C6orf118: variants seen among roughly 807,000 people sequenced by gnomAD.
C6orf118 encodes the protein uncharacterized protein C6orf118.
A neutral mutation model predicts 50.2 loss-of-function variants in C6orf118; 50 were observed. The ratio of observed to expected loss-of-function variants is 1.00; its 90% confidence interval spans 0.79 to 1.26. The LOEUF is 1.26. Among genes scored for constraint, C6orf118 ranks in the 50% most tolerant of loss-of-function variants. The probability of loss-of-function intolerance (pLI) is 0.00; values close to 1 mark genes in which losing one functional copy is unlikely to be tolerated. For missense variants in C6orf118, 641 were observed against 578.7 expected, an observed-to-expected ratio of 1.11 and a Z score of -1.10; for synonymous variants, 239 against 230.9, an observed-to-expected ratio of 1.03 and a Z score of -0.32.
chr6:165,280,134 AC>A, intron 8 of C6orf118, 24 bp from the exon 9 acceptor site: 1 of 1,525,216 alleles, frequency 6.6e-7, no homozygotes, highest in Non-Finnish European at 8.9e-7. Flanking sequence ...AGAAATGAAT[AC>A]CATAGGTTAG....
intron 7 of C6orf118, 127 bp downstream of exon 7, chr6:165,289,759 T>C: frequency 2.0e-6 from 1 of 502,412 alleles, no homozygotes; most frequent in South Asian, 4.9e-5. Flanking sequence ...CATTTTGAAA[T>C]AAAAAGTACA....
At chr6:165,295,980 C>A (rs184894787) in intron 5 of C6orf118, among the ~76,000 whole-genome samples, 61 of 143,572 alleles carry the variant, frequency 4.2e-4, no homozygotes, top group African/African-American at 1.6e-3. Flanking sequence ...CCCAGCAGGA[C>A]AGTTGTGTGG....
chr6:165,295,053 T>C (rs1319802041), intron 5 of C6orf118, among the ~76,000 whole-genome samples: 1 of 152,252 alleles, frequency 6.6e-6, no homozygotes, highest in Non-Finnish European at 1.5e-5. Context: ...TCAGGGACTT[T>C]AATTATACGT....
In C6orf118 at chr6:165,299,509, A is replaced by G; in HGVS notation, c.877-7T>C. ...TGTAGAGTTCATATTCATCCTGTACAGAAACAAACAAAAGTCCACTGGCCA... is the reference window on the plus strand; with the variant it reads ...TGTAGAGTTCATATTCATCCTGTACGGAAACAAACAAAAGTCCACTGGCCA... On this transcript the variant is annotated splice_polypyrimidine_tract_variant and splice_region_variant and intron_variant, in intron 3 of 8. Coordinates refer to ENST00000230301, the MANE Select transcript of C6orf118 (RefSeq NM_144980.4). The G allele has an allele frequency of 1.2e-6, 2 of 1,613,912 alleles. No homozygotes were observed. The highest frequency in any genetic ancestry group is 1.7e-6 in the Non-Finnish European group (2 of 1,179,850).
chr6:165,290,152 T>G, intron 6 of C6orf118, 85 bp from the exon 7 acceptor site: 1 of 800,610 alleles, frequency 1.2e-6, no homozygotes, highest in Non-Finnish European at 2.0e-6. Context: ...AACAATATTA[T>G]GTATGCTATA....
intron 1 of C6orf118, among the ~76,000 whole-genome samples, chr6:165,305,708 A>C (rs1780695328): frequency 8.2e-6 from 1 of 122,102 alleles, no homozygotes; most frequent in Non-Finnish European, 1.6e-5. Flanking sequence ...ATGCAGCCAA[A>C]AAACACATGA....
chr6:165,293,524 T>TCC, intron 5 of C6orf118, 53 bp from the exon 6 acceptor site: 1 of 1,486,078 alleles, frequency 6.7e-7, no homozygotes. Context: ...TTATATCTTT[T>TCC]GTCTTTTGTC....
chr6:165,305,705 C>G (rs2128165089), intron 1 of C6orf118, among the ~76,000 whole-genome samples: 1 of 120,312 alleles, frequency 8.3e-6, no homozygotes, highest in African/African-American at 4.1e-5. Context: ...TTTATGCAGC[C>G]AAAAAACACA....
At chr6:165,287,533 T>C (rs1285578794) in intron 7 of C6orf118, among the ~76,000 whole-genome samples, 2 of 152,140 alleles carry the variant, frequency 1.3e-5, no homozygotes, top group Non-Finnish European at 2.9e-5. Context: ...CTTCAAGCTA[T>C]ACTACAAGGC....
intron 3 of C6orf118, among the ~76,000 whole-genome samples, chr6:165,299,789 A>G (rs1214069742): frequency 1.3e-5 from 2 of 152,212 alleles, no homozygotes; most frequent in African/African-American, 4.8e-5. Flanking sequence ...GGTTCAAGCG[A>G]TTCTCCTGCC....
chr6:165,299,400 G>A (rs371144944), intron 4 of C6orf118, 43 bp downstream of exon 4: 12 of 1,578,206 alleles, frequency 7.6e-6, no homozygotes, highest in East Asian at 6.7e-5. Flanking sequence ...ATGAAGCTAT[G>A]GATAAGCAGG....
At chr6:165,309,489 A>G in intron 1 of C6orf118, 73 bp downstream of exon 1, 1 of 1,557,260 alleles carries the variant, frequency 6.4e-7, no homozygotes, top group East Asian at 2.2e-5. Flanking sequence ...ATCAGTCTTC[A>G]GAAGCCCATC....
chr6:165,298,860 C>T (rs941734625), intron 4 of C6orf118, among the ~76,000 whole-genome samples: 2 of 152,208 alleles, frequency 1.3e-5, no homozygotes, highest in African/African-American at 4.8e-5. Context: ...AACTATCTTT[C>T]CTAATTTATG....
At chr6:165,296,979 C>T (rs1356431568) in intron 5 of C6orf118, among the ~76,000 whole-genome samples, 1 of 152,128 alleles carries the variant, frequency 6.6e-6, no homozygotes, top group African/African-American at 2.4e-5. Flanking sequence ...AATATCTGGT[C>T]ACAGGTCAGA....
rs760843503 is a variant in C6orf118, at chr6:165,309,568, G to C, written c.19C>G (p.Pro7Ala). The C allele has an allele frequency of 3.7e-6, 6 of 1,614,066 alleles. No homozygotes were observed. The South Asian group carries it at 6.6e-5, about 18-fold the overall frequency. Residue 7 changes from proline to alanine, a missense_variant, in exon 1 of 9, where the codon CCT (proline) becomes GCT (alanine). Coordinates refer to ENST00000230301, the MANE Select transcript of C6orf118 (RefSeq NM_144980.4). Reference protein sequence around the residue: MAEEREPELYLKWKHCE... With the variant: MAEEREAELYLKWKHCE... Reference sequence around the variant, plus strand: ...GCCGCTCCAGGCCACTTACATTCAGGCTCCCGCTCCTCCGCCATCGCTTCC... The same window carrying C: ...GCCGCTCCAGGCCACTTACATTCAGCCTCCCGCTCCTCCGCCATCGCTTCC...
At chr6:165,302,375 C>T (rs571440677) in intron 1 of C6orf118, 79 bp from the exon 2 acceptor site, 11 of 1,518,286 alleles carry the variant, frequency 7.2e-6, no homozygotes, top group South Asian at 4.9e-5. Flanking sequence ...GGCTGAGAGG[C>T]GTAGCCCCTG....
In C6orf118 at chr6:165,301,965, G is replaced by C; in HGVS notation, c.357C>G (p.Val119=). ...GCGGGGTGTCCTGGGCCTCACTGGG[G>C]ACCAGGGCCGTGTGGATGGTGAAGT... is the stretch of plus-strand genomic sequence containing the variant. ...LAHFTIHTAL[V]PSEAQDTPLF... Residue 119 remains valine, a synonymous_variant, in exon 2 of 9, where the codon GTC becomes GTG. Coordinates refer to ENST00000230301, the MANE Select transcript of C6orf118 (RefSeq NM_144980.4). 7 of 1,613,818 alleles carry C rather than the reference G, an allele frequency of 4.3e-6. No homozygotes were observed. The highest frequency in any genetic ancestry group is 1.1e-5 in the South Asian group (1 of 91,076).
At chr6:165,298,430 G>A (rs1052379485) in intron 4 of C6orf118, among the ~76,000 whole-genome samples, 3 of 152,218 alleles carry the variant, frequency 2.0e-5, no homozygotes, top group Non-Finnish European at 4.4e-5. Context: ...CAGTGGCACC[G>A]CAATCGTTTC....
intron 7 of C6orf118, among the ~76,000 whole-genome samples, chr6:165,288,308 T>C (rs1192967179): frequency 6.6e-6 from 1 of 152,148 alleles, no homozygotes; most frequent in Non-Finnish European, 1.5e-5. Flanking sequence ...TGTGGAGAAA[T>C]AGGAATGCTT....
Sources: allele counts gnomAD v4.1 joint callset (sites outside exome capture counted in the v4.1 genomes callset), GRCh38; gene constraint gnomAD v4.1.1; transcripts MANE v1.5; gene names NCBI Gene and HGNC (gene_info 2026-07-23, HGNC 2026-07-21).